TPRG1: variants seen among roughly 807,000 people sequenced by gnomAD.
TPRG1 encodes the protein tumor protein p63 regulated 1, also known as tumor protein p63-regulated gene 1 protein.
TPRG1 carries 29 observed loss-of-function variants against 29.3 expected under a neutral mutation model. The ratio of observed to expected loss-of-function variants is 0.99; its 90% CI spans 0.74 to 1.35. TPRG1 has a LOEUF of 1.35. TPRG1 is among the 40% of genes most tolerant of loss of function. The probability of loss-of-function intolerance (pLI) is 0.00; values close to 1 mark genes in which losing one functional copy is unlikely to be tolerated. For synonymous variants in TPRG1, 130 were observed against 116.8 expected, an observed-to-expected ratio of 1.11 and a Z score of -0.73; for missense variants, 327 against 335.0, an observed-to-expected ratio of 0.98 and a Z score of 0.19.
At chr3:189,053,730 T>C (rs1715479709) in intron 4 of TPRG1, among the ~76,000 whole-genome samples, 1 of 152,184 alleles carries the variant, frequency 6.6e-6, no homozygotes, top group African/African-American at 2.4e-5. Flanking sequence ...GTGATTGGCT[T>C]TCTGTGTGGT....
At chr3:189,204,049 A>G (rs536668291) in intron 1 of TPRG1, among the ~76,000 whole-genome samples, 1 of 151,040 alleles carries the variant, frequency 6.6e-6, no homozygotes, top group Non-Finnish European at 1.5e-5. Flanking sequence ...AAAAAAAAAA[A>G]AAAAAAAAAA....
exon 2 of TPRG1, chr3:189,000,793 G>T (rs1711982664): frequency 1.3e-5 from 2 of 151,538 alleles, no homozygotes; most frequent in Admixed American, 1.3e-4. Context: ...CTGTTGCCTA[G>T]GCTGGAATGT....
intron 3 of TPRG1, among the ~76,000 whole-genome samples, chr3:189,223,638 G>C (rs888173965): frequency 6.6e-6 from 1 of 152,150 alleles, no homozygotes; most frequent in South Asian, 2.1e-4. Context: ...AAAAAGTCAA[G>C]AGGTGAAAGG....
At chr3:189,073,257 C>T (rs1406754189) in intron 4 of TPRG1, among the ~76,000 whole-genome samples, 2 of 152,140 alleles carry the variant, frequency 1.3e-5, no homozygotes, top group African/African-American at 4.8e-5. Flanking sequence ...TTGCCTTCTC[C>T]CATTCTGTAT....
At chr3:189,282,713 G>C (rs1476432951) in intron 4 of TPRG1, among the ~76,000 whole-genome samples, 3 of 152,094 alleles carry the variant, frequency 2.0e-5, no homozygotes, top group African/African-American at 7.2e-5. Context: ...TCTGAACAAG[G>C]ATACACAGCT....
At chr3:189,120,599 A>G (rs1721719234) in intron 1 of TPRG1, among the ~76,000 whole-genome samples, 1 of 152,240 alleles carries the variant, frequency 6.6e-6, no homozygotes, top group Non-Finnish European at 1.5e-5. Flanking sequence ...GATACAGTGT[A>G]TTTTGAATTC....
chr3:189,198,457 T>G (rs77491436), intron 1 of TPRG1, among the ~76,000 whole-genome samples: 4,616 of 152,342 alleles, frequency 0.03, 222 homozygotes, highest in African/African-American at 0.11. Flanking sequence ...TTCCTATGTG[T>G]GTCTGTGAGA....
intron 3 of TPRG1, among the ~76,000 whole-genome samples, chr3:189,143,773 C>T (rs979104317): frequency 2.0e-5 from 3 of 152,182 alleles, no homozygotes; most frequent in Non-Finnish European, 4.4e-5. Flanking sequence ...CACAGCACTC[C>T]TGTGAGATTT....
chr3:189,321,789 A>G lies in TPRG1; in HGVS notation c.*969A>G, dbSNP rs956151562. 1 of 152,156 alleles carries G rather than the reference A, an allele frequency of 6.6e-6. No homozygotes were observed. The highest frequency in any genetic ancestry group is 2.4e-5 in the African/African-American group (1 of 41,440). The allele number at this position is 152,156 out of a possible 1,614,324, so 9.4% of individuals were successfully genotyped here. On this transcript the variant is annotated 3_prime_UTR_variant, in exon 6 of 6. Transcript: ENST00000345063. ...TGTAGAAGCAGCATATACGAAGCAG[A>G]TAAAAGTAGGTTCAATGCGGTTGGA...
chr3:189,056,834 A>G (rs1397797822), intron 4 of TPRG1, among the ~76,000 whole-genome samples: 2 of 152,152 alleles, frequency 1.3e-5, no homozygotes, highest in Non-Finnish European at 2.9e-5. Flanking sequence ...TGGGACTGTA[A>G]TGTCTTAGGC....
Position 189,322,508 on chromosome 3 carries a change from C to T in TPRG1, c.*1688C>T, listed in dbSNP as rs1240845632. ...TAAAAGGAAATGTTGAAATCCATAG[C>T]TGTCCTGTCAACAGTAGTGGAATGA... On this transcript the variant is annotated 3_prime_UTR_variant, in exon 6 of 6. Coordinates refer to ENST00000345063, the MANE Select transcript of TPRG1 (RefSeq NM_198485.4). The T allele has an allele frequency of 6.6e-6, 1 of 152,468 alleles. No homozygotes were observed. The highest frequency in any genetic ancestry group is 1.5e-5 in the Non-Finnish European group (1 of 68,002). The allele number at this position is 152,468 out of a possible 1,614,324, so 9.4% of individuals were successfully genotyped here.
At chr3:189,120,086 G>A (rs1471754639) in intron 1 of TPRG1, among the ~76,000 whole-genome samples, 2 of 152,228 alleles carry the variant, frequency 1.3e-5, no homozygotes, top group East Asian at 1.9e-4. Context: ...CATACTAAAC[G>A]AACAAACCCC....
At chr3:189,311,045 G>A (rs1722405317) in intron 5 of TPRG1, among the ~76,000 whole-genome samples, 1 of 152,132 alleles carries the variant, frequency 6.6e-6, no homozygotes, top group Non-Finnish European at 1.5e-5. Context: ...AATACTCCAT[G>A]AAGTGTAAAG....
intron 3 of TPRG1, among the ~76,000 whole-genome samples, chr3:189,021,520 G>A (rs1713308106): frequency 6.6e-6 from 1 of 152,018 alleles, no homozygotes; most frequent in Non-Finnish European, 1.5e-5. Context: ...TGAAATTCTG[G>A]GTTGAAAATT....
At chr3:189,056,101 C>CTTCCTTCCTTCT (rs1228231764) in intron 4 of TPRG1, among the ~76,000 whole-genome samples, 9 of 121,936 alleles carry the variant, frequency 7.4e-5, no homozygotes, top group Non-Finnish European at 1.3e-4. Context: ...TCCTTCCTTC[C>CTTCCTTCCTTCT]CTCTTTCTTT....
chr3:189,143,699 G>A (rs1724875001), intron 3 of TPRG1, among the ~76,000 whole-genome samples: 1 of 152,164 alleles, frequency 6.6e-6, no homozygotes, highest in African/African-American at 2.4e-5. Context: ...CCCCAACCCA[G>A]ACTTAGGTGT....
At chr3:189,049,739 G>C (rs1344603620) in intron 4 of TPRG1, among the ~76,000 whole-genome samples, 3 of 152,166 alleles carry the variant, frequency 2.0e-5, no homozygotes. Context: ...CCTTTAGGGA[G>C]TCCACTGCAC....
At chr3:189,002,297 T>C (rs1222186235) in intron 2 of TPRG1, among the ~76,000 whole-genome samples, 1 of 151,656 alleles carries the variant, frequency 6.6e-6, no homozygotes, top group Admixed American at 6.6e-5. Context: ...TTTTTTTTTT[T>C]CCTTGTTACT....
chr3:189,187,396 T>C (rs1731084620), intron 1 of TPRG1, among the ~76,000 whole-genome samples: 1 of 152,016 alleles, frequency 6.6e-6, no homozygotes, highest in Non-Finnish European at 1.5e-5. Flanking sequence ...AACCTCTGCC[T>C]CCTGGGTTCA....
Sources: gnomAD v4.1 joint callset for allele counts (sites outside exome capture counted in the v4.1 genomes callset) on GRCh38, gnomAD v4.1.1 for gene constraint, MANE v1.5 for transcripts, NCBI Gene and HGNC (gene_info 2026-07-23, HGNC 2026-07-21) for gene names.